Variants in PTK7 observed in about 807,000 individuals in gnomAD.
The protein encoded by PTK7 is protein tyrosine kinase 7 (inactive), also known as inactive tyrosine-protein kinase 7.
Under a neutral mutation model 116.6 loss-of-function variants are expected in PTK7, and 39 were observed. The ratio of observed to expected loss-of-function variants is 0.33; its 90% CI spans 0.26 to 0.44. The LOEUF (loss-of-function observed/expected upper bound fraction) is 0.44. Ranked by LOEUF, PTK7 falls within the 20% of genes least tolerant of loss-of-function variation. The pLI, the probability that PTK7 is intolerant of heterozygous loss-of-function variation, is 1.00. For missense variants in PTK7, 1,169 were observed against 1,425.6 expected, an observed-to-expected ratio of 0.82 and a Z score of 2.90; for synonymous variants, 546 against 563.6, an observed-to-expected ratio of 0.97 and a Z score of 0.44.
intron 1 of PTK7, among the ~76,000 whole-genome samples, chr6:43,092,532 C>T (rs776259648): frequency 1.3e-5 from 2 of 152,088 alleles, no homozygotes; most frequent in African/African-American, 2.4e-5. Context: ...GTTGTTACTA[C>T]CTGAGGTTTT....
intron 1 of PTK7, among the ~76,000 whole-genome samples, chr6:43,078,790 C>A (rs1436299006): frequency 2.0e-5 from 3 of 152,268 alleles, no homozygotes; most frequent in East Asian, 3.9e-4. Flanking sequence ...GGATTCTTAA[C>A]CCCAACCTCT....
At position 43,145,439 on chromosome 6, in the gene PTK7, T is replaced by C. The variant is rs781046986; in HGVS notation, c.2640+7T>C. ...GCTGGAATATGTGGATCTGGTATGCTGTTGGCAGGGGACGTGGGGGTCTCG... is the reference window on the plus strand; with the variant it reads ...GCTGGAATATGTGGATCTGGTATGCCGTTGGCAGGGGACGTGGGGGTCTCG... On this transcript the variant is annotated splice_region_variant and intron_variant, in intron 16 of 19. Transcript: ENST00000230419. This position sits in a 1 kb window ranked among gnomAD's most constrained non-coding sequence, Gnocchi z 4.8. The C allele has an allele frequency of 1.9e-5, 29 of 1,539,158 alleles. No individual in the cohort carries two copies. Among genetic ancestry groups the C allele is most frequent in the Non-Finnish European group, 2.5e-5 (28 of 1,134,574 alleles).
In PTK7 at chr6:43,154,224, T is replaced by C. The variant is rs183245461; in HGVS notation, c.2722-4593T>C. ...GGTGGTATATGCCAATAGTCCCAAC[T>C]ACTAGGGAGGCTGAGGTGGGAGGAT... On this transcript the variant is annotated intron_variant, in intron 17 of 19. Transcript: ENST00000230419. Among the ~76,000 whole-genome samples the C allele has an allele frequency of 1.8e-4, 28 of 151,940 alleles. 1 individual carries two copies. Among genetic ancestry groups the C allele is most frequent in the African/African-American group, 6.8e-4 (28 of 41,430 alleles).
At position 43,141,636 on chromosome 6, in the gene PTK7, C is replaced by T. The variant is rs1770412052; in HGVS notation, c.1619-32C>T. Reference sequence around the variant, plus strand: ...GCCAGCTGTCTGTGTAACCCTGATCCTTCCCATAATTTCCCTTTGTTACCC... The same window carrying T: ...GCCAGCTGTCTGTGTAACCCTGATCTTTCCCATAATTTCCCTTTGTTACCC... On this transcript the variant is annotated intron_variant, in intron 10 of 19. Transcript: ENST00000230419. This position sits in a 1 kb window ranked among gnomAD's most constrained non-coding sequence, Gnocchi z 4.9. The T allele has an allele frequency of 1.2e-6, 2 of 1,608,188 alleles. No homozygotes were observed. Among genetic ancestry groups the T allele is most frequent in the Admixed American group, 3.3e-5 (2 of 59,824 alleles).
rs750060736 is a variant in PTK7 at position 43,129,095 on chromosome 6, G to A, written c.198G>A (p.Leu66=). 1.2e-6 allele frequency: 2 copies of A among 1,614,192 alleles called. No homozygotes were observed. Among genetic ancestry groups the A allele is most frequent in the Non-Finnish European group, 8.5e-7 (1 of 1,180,034 alleles). Reference sequence around the variant, plus strand: ...CGGGCCCGGTACATGTGTACTGGCTGCTCGATGGGGCCCCTGTCCAGGACA... The same window carrying A: ...CGGGCCCGGTACATGTGTACTGGCTACTCGATGGGGCCCCTGTCCAGGACA... ...EAPGPVHVYW[L]LDGAPVQDTE... is the part of the protein sequence containing the mutation. The change falls in exon 2 of 20, where the codon CTG becomes CTA. Residue 66 remains leucine, a synonymous_variant. Transcript: ENST00000230419. This position sits in a 1 kb window ranked among gnomAD's most constrained non-coding sequence, Gnocchi z 4.5.
At chr6:43,153,978 A>G (rs1308131801) in intron 17 of PTK7, among the ~76,000 whole-genome samples, 1 of 151,880 alleles carries the variant, frequency 6.6e-6, no homozygotes, top group African/African-American at 2.4e-5. Flanking sequence ...GCCTGGCCAA[A>G]ATGGTGAAAC....
Position 43,102,390 on chromosome 6 carries a change from A to C in PTK7, c.79+25823A>C, listed in dbSNP as rs184256082. ...CAGTGAGCCAAGGCCGTGCCACTGCACTCCAGCTTGGGCAACAGAGCAAGA... is the reference window on the plus strand; with the variant it reads ...CAGTGAGCCAAGGCCGTGCCACTGCCCTCCAGCTTGGGCAACAGAGCAAGA... On this transcript the variant is annotated intron_variant, in intron 1 of 19. Transcript: ENST00000230419. Among the ~76,000 whole-genome samples the C allele has an allele frequency of 2.7e-3, 406 of 152,082 alleles. 4 individuals carry two copies. Among genetic ancestry groups the C allele is most frequent in the African/African-American group, 8.7e-3 (362 of 41,484 alleles).
intron 1 of PTK7, among the ~76,000 whole-genome samples, chr6:43,108,337 C>T (rs1245340804): frequency 6.6e-6 from 1 of 151,602 alleles, no homozygotes; most frequent in Non-Finnish European, 1.5e-5. Context: ...TCAGGTGATC[C>T]TCCTGCCTTG....
chr6:43,137,777 ACTT>A (rs1409377996), intron 7 of PTK7, among the ~76,000 whole-genome samples: 2 of 152,088 alleles, frequency 1.3e-5, no homozygotes, highest in Admixed American at 6.6e-5. Flanking sequence ...AATCACCATT[ACTT>A]CTTCTTTTTT....
At chr6:43,106,485 C>T (rs1439554872) in intron 1 of PTK7, among the ~76,000 whole-genome samples, 3 of 151,674 alleles carry the variant, frequency 2.0e-5, no homozygotes, top group Admixed American at 2.0e-4. Context: ...TGGGGTCTTA[C>T]TGTGTTGCCC....
At chr6:43,159,996 C>G (rs200897579) in intron 19 of PTK7, 30 bp downstream of exon 19, 180 of 1,597,612 alleles carry the variant, frequency 1.1e-4, no homozygotes, top group Non-Finnish European at 1.5e-4. Flanking sequence ...GGGGATGATT[C>G]CAGATGGGCC....
chr6:43,141,679 C>T lies in PTK7; in HGVS notation c.1630C>T (p.Leu544Phe). 6.2e-7 allele frequency: 1 copy of T among 1,614,118 alleles called. No individual in the cohort carries two copies. Among genetic ancestry groups the T allele is most frequent in the South Asian group, 1.1e-5 (1 of 91,080 alleles). ...IKWERADGSSLPEWVTDNAGT... is the reference protein window; with the variant it reads ...IKWERADGSSFPEWVTDNAGT... The stretch of plus-strand genomic sequence containing the variant: ...TGTTACCCCTGCAGATGGGAGCAGC[C>T]TCCCAGAGTGGGTGACAGACAACGC... Residue 544 changes from leucine to phenylalanine, a missense_variant, in exon 11 of 20, where the codon CTC (leucine) becomes TTC (phenylalanine). By Grantham distance (22) the Leu-to-Phe change is conservative. Transcript: ENST00000230419. The surrounding 1 kb of genome is among the most constrained non-coding windows in gnomAD (Gnocchi z 4.9).
chr6:43,140,297 CA>C (rs1318766249), intron 10 of PTK7, among the ~76,000 whole-genome samples: 3 of 151,792 alleles, frequency 2.0e-5, no homozygotes, highest in South Asian at 4.2e-4. Context: ...ACTGAAAATA[CA>C]AAAAATTAGC....
At chr6:43,120,277 G>T (rs1044263042) in intron 1 of PTK7, among the ~76,000 whole-genome samples, 1 of 152,174 alleles carries the variant, frequency 6.6e-6, no homozygotes, top group African/African-American at 2.4e-5. Context: ...CACCAGGGGG[G>T]CACAGATGTC....
chr6:43,105,442 CTG>C (rs1767825637), intron 1 of PTK7, among the ~76,000 whole-genome samples: 1 of 106,630 alleles, frequency 9.4e-6, no homozygotes, highest in Non-Finnish European at 1.8e-5. Flanking sequence ...CTGTGGTTAA[CTG>C]TATAGCAAAA....
At chr6:43,144,282 C>A (rs777091728) in intron 14 of PTK7, 169 bp from the exon 15 acceptor site, 75 of 751,882 alleles carry the variant, frequency 1.0e-4, no homozygotes, top group Non-Finnish European at 4.1e-5. Flanking sequence ...ATACATCCCC[C>A]ACCCAGCCCC....
At chr6:43,155,146 A>G (rs1771348332) in intron 17 of PTK7, among the ~76,000 whole-genome samples, 1 of 151,942 alleles carries the variant, frequency 6.6e-6, no homozygotes, top group African/African-American at 2.4e-5. Flanking sequence ...GCCCTGTTAT[A>G]TTCCACCAAC....
intron 17 of PTK7, among the ~76,000 whole-genome samples, chr6:43,157,290 T>TACACACACGTGCGTGC (rs1554162222): frequency 7.9e-6 from 1 of 126,570 alleles, no homozygotes. Context: ...CCTTAACACA[T>TACACACACGTGCGTGC]ACACACACGT....
chr6:43,138,877 A>G lies in PTK7; in HGVS notation c.1257A>G (p.Gln419=), dbSNP rs1770209114. The G allele has an allele frequency of 1.9e-6, 3 of 1,614,010 alleles. No individual in the cohort carries two copies. In the African/African-American group the frequency reaches 4.0e-5, roughly 22 times the overall value. Residue 419 remains glutamine (Q), a synonymous_variant, in exon 8 of 20, where the codon CAA becomes CAG. Transcript: ENST00000230419. The part of the protein sequence containing the change: ...ATVPSWLKKP[Q]DSQLEEGKPG... Reference sequence around the variant, plus strand: ...TGCCCTCCTGGCTGAAGAAGCCCCAAGACAGCCAGCTGGAGGAGGGCAAAC... The same window carrying G: ...TGCCCTCCTGGCTGAAGAAGCCCCAGGACAGCCAGCTGGAGGAGGGCAAAC...
Sources: gnomAD v4.1 joint callset for allele counts (sites outside exome capture counted in the v4.1 genomes callset) on GRCh38, gnomAD v4.1.1 for gene constraint, Gnocchi (gnomAD v3.1) non-coding constraint, MANE v1.5 for transcripts, NCBI Gene and HGNC (gene_info 2026-07-23, HGNC 2026-07-21) for gene names.